The following CPLANE1 variants were observed in gnomAD, a reference collection of about 807,000 sequenced individuals.
CPLANE1 encodes ciliogenesis and planar polarity effector complex subunit 1, also known as ciliogenesis and planar polarity effector 1.
CPLANE1 carries 263 observed loss-of-function variants against 362.5 expected under a neutral mutation model. The observed-to-expected ratio is 0.73, with a 90% CI of 0.66 to 0.80. CPLANE1 has a LOEUF of 0.80. Among genes scored for constraint, CPLANE1 ranks in the 30% least tolerant of loss-of-function variants. CPLANE1 has a pLI of 0.00. For synonymous variants in CPLANE1, 1,212 were observed against 1,302.6 expected (o/e 0.93, Z 1.50); for missense variants, 3,461 against 3,793.4 (o/e 0.91, Z 2.30).
In CPLANE1 at chr5:37,153,934, CT is replaced by C; in HGVS notation, c.8178del (p.Asp2727IlefsTer25). The C allele has an allele frequency of 6.2e-7, 1 of 1,614,098 alleles. No homozygotes were observed. Among genetic ancestry groups the C allele is most frequent in the South Asian group, 1.1e-5 (1 of 91,082 alleles). On this transcript the variant is annotated frameshift_variant, in exon 42 of 53. Coordinates refer to ENST00000651892, the MANE Select transcript of CPLANE1 (RefSeq NM_001384732.1). LOFTEE classifies it high-confidence loss of function. Reference sequence around the variant, plus strand: ...TGCAGCCGTTTCCACAATAGATAATCTTCTGCAGAGTCTGACTTTGTGCTCT... The same window carrying C: ...TGCAGCCGTTTCCACAATAGATAATCTCTGCAGAGTCTGACTTTGTGCTCT... ...KGQSTKSDSA[E>X]DYLLWKRLQG...
downstream of CPLANE1, among the ~76,000 whole-genome samples, chr5:37,104,744 T>TAA (rs544136236): frequency 7.0e-6 from 1 of 142,514 alleles, no homozygotes; most frequent in South Asian, 2.2e-4. Flanking sequence ...CATCTCTACT[T>TAA]AAAAAAAAAA....
At chr5:37,082,089 G>A in the CPLANE1 span, among the ~76,000 whole-genome samples, 35 of 143,570 alleles carry the variant, frequency 2.4e-4, no homozygotes, top group South Asian at 6.4e-4. Context: ...GTGAAACTCC[G>A]TATCAAAAAA....
intron 2 of CPLANE1, among the ~76,000 whole-genome samples, chr5:37,246,946 C>T (rs1246502677): frequency 1.3e-5 from 2 of 152,114 alleles, no homozygotes; most frequent in Non-Finnish European, 2.9e-5. Context: ...TCCAACCCTA[C>T]AGCAGACCTA....
rs35522666 is a variant in CPLANE1 at position 37,154,459 on chromosome 5, C to CTTTTTTTTTTTTT, written c.8120-479_8120-467dup. Among the ~76,000 whole-genome samples the CTTTTTTTTTTTTT allele has an allele frequency of 1.3e-3, 110 of 84,568 alleles. 13 individuals are homozygous for CTTTTTTTTTTTTT. The highest frequency in any genetic ancestry group is 3.7e-3 in the African/African-American group (66 of 17,642). The allele number at this position is 84,568 out of a possible 152,430, so 55.5% of individuals were successfully genotyped here. On this transcript the variant is annotated intron_variant, in intron 41 of 52. Transcript: ENST00000651892. The stretch of plus-strand genomic sequence containing the variant: ...TTCTTCTCCCAAATTTGCAATAGTT[C>CTTTTTTTTTTTTT]TTTTTTTTTTTTTTTTTTTTTTTTA...
rs541727541 is a variant in CPLANE1 at position 37,146,403 on chromosome 5, T to C, written c.8461+1778A>G. Among the ~76,000 whole-genome samples, 13 of 152,260 alleles carry C rather than the reference T, an allele frequency of 8.5e-5. No homozygotes were observed. In the East Asian group the frequency reaches 2.1e-3, roughly 25 times the overall value. On this transcript the variant is annotated intron_variant, in intron 43 of 52. Coordinates refer to ENST00000651892, the MANE Select transcript of CPLANE1 (RefSeq NM_001384732.1). Reference sequence around the variant, plus strand: ...CATATTGGCCAGGCTGGTTTCGAACTCCTGATCTTGTGATCCACCTGCCTC... The same window carrying C: ...CATATTGGCCAGGCTGGTTTCGAACCCCTGATCTTGTGATCCACCTGCCTC...
the CPLANE1 span, among the ~76,000 whole-genome samples, chr5:37,090,838 C>T: frequency 6.6e-6 from 1 of 152,186 alleles, no homozygotes; most frequent in African/African-American, 2.4e-5. Context: ...CTCAAAACAG[C>T]CTTAATTAAG....
Position 37,187,460 on chromosome 5 carries a change from T to C in CPLANE1, c.4034A>G (p.Gln1345Arg), listed in dbSNP as rs869312898. ...TCCAATAAGGCTCAAAATTATATCC[T>C]GAATAAGTTCTTCCATATTAAAAAA... Reference protein sequence around the residue: ...SRFFNMEELIQDIILSLIGEL... With the variant: ...SRFFNMEELIRDIILSLIGEL... Residue 1345 changes from glutamine to arginine, a missense_variant, in exon 23 of 53, where the codon CAG becomes CGG. Gln to Arg is a conservative substitution (Grantham distance 43). This residue lies in a region of CPLANE1 where 3,380 missense variants were observed against 3,666.1 expected (regional missense o/e 0.92). Transcript: ENST00000651892. 1.2e-6 allele frequency: 2 copies of C among 1,613,686 alleles called. No homozygotes were observed. The highest frequency in any genetic ancestry group is 2.2e-5 in the East Asian group (1 of 44,864).
intron 15 of CPLANE1, among the ~76,000 whole-genome samples, chr5:37,218,479 T>C (rs1794652040): frequency 6.6e-6 from 1 of 152,184 alleles, no homozygotes; most frequent in Admixed American, 6.5e-5. Context: ...CATGCACCTT[T>C]TCCCTTTGCT....
At chr5:37,167,360 G>A in intron 34 of CPLANE1, 147 bp from the exon 35 acceptor site, 1 of 653,448 alleles carries the variant, frequency 1.5e-6, no homozygotes, top group Non-Finnish European at 2.5e-6. Flanking sequence ...GATTTAAACT[G>A]GCAATATGAG....
At chr5:37,096,570 C>A in the CPLANE1 span, among the ~76,000 whole-genome samples, 1 of 152,098 alleles carries the variant, frequency 6.6e-6, no homozygotes, top group Non-Finnish European at 1.5e-5. Flanking sequence ...CTTAATTAAA[C>A]TGAAGAGCTT....
the CPLANE1 span, among the ~76,000 whole-genome samples, chr5:37,097,182 C>T: frequency 2.6e-5 from 4 of 151,894 alleles, no homozygotes; most frequent in Non-Finnish European, 5.9e-5. Flanking sequence ...GACCCCATCT[C>T]GTTTTTTTAA....
the CPLANE1 span, among the ~76,000 whole-genome samples, chr5:37,080,602 T>C: frequency 3.3e-5 from 5 of 152,236 alleles, no homozygotes; most frequent in Admixed American, 1.3e-4. Context: ...CAAGGGCTTA[T>C]GTACAGTGCA....
chr5:37,221,403 A>T lies in CPLANE1; in HGVS notation c.2667T>A (p.Ala889=). ...CHLYSYNLND[A]QGLCDQLARE... is the part of the protein sequence containing the mutation. ...TTGCTAGCTGATCACACAATCCTTG[A>T]GCATCATTTAAATTATAGCTATAGA... The change falls in exon 15 of 53, where the codon GCT becomes GCA. Residue 889 remains alanine (A), a synonymous_variant. Transcript: ENST00000651892. 1 of 1,540,162 alleles carries T rather than the reference A, an allele frequency of 6.5e-7. No individual in the cohort carries two copies. Among genetic ancestry groups the T allele is most frequent in the East Asian group, 2.5e-5 (1 of 40,144 alleles).
At chr5:37,108,492 AG>A in intron 51 of CPLANE1, 21 bp from the exon 52 acceptor site, 4 of 1,595,890 alleles carry the variant, frequency 2.5e-6, no homozygotes, top group Non-Finnish European at 3.4e-6. Context: ...ATAAGAACAA[AG>A]CACACATTGG....
chr5:37,242,942 A>G, intron 6 of CPLANE1, 71 bp downstream of exon 6: 2 of 998,432 alleles, frequency 2.0e-6, no homozygotes, highest in Non-Finnish European at 3.0e-6. Context: ...AGTCTGGGTG[A>G]CACAGCAAGA....
intron 20 of CPLANE1, among the ~76,000 whole-genome samples, chr5:37,197,988 G>C (rs1788025026): frequency 6.6e-6 from 1 of 151,948 alleles, no homozygotes; most frequent in African/African-American, 2.4e-5. Flanking sequence ...TCTCTCCAAA[G>C]GTTCCTACTA....
chr5:37,176,186 G>C, intron 30 of CPLANE1, 200 bp from the exon 31 acceptor site: 1 of 452,928 alleles, frequency 2.2e-6, no homozygotes, highest in Non-Finnish European at 3.9e-6. Flanking sequence ...AAATATGTCT[G>C]GATGACTTAA....
intron 15 of CPLANE1, among the ~76,000 whole-genome samples, chr5:37,217,207 A>G (rs1369570343): frequency 6.6e-6 from 1 of 152,244 alleles, no homozygotes; most frequent in Non-Finnish European, 1.5e-5. Flanking sequence ...TTCAAACCTT[A>G]TGCAAAACTC....
At chr5:37,205,759 G>A (rs1480075819) in intron 17 of CPLANE1, among the ~76,000 whole-genome samples, 1 of 152,116 alleles carries the variant, frequency 6.6e-6, no homozygotes. Flanking sequence ...TGTTGCCCAG[G>A]CTGACGTGTA....
Sources: allele counts gnomAD v4.1 joint callset (sites outside exome capture counted in the v4.1 genomes callset), GRCh38; gene constraint gnomAD v4.1.1; regional missense constraint gnomAD v4.1.1; transcripts MANE v1.5; gene names NCBI Gene and HGNC (gene_info 2026-07-23, HGNC 2026-07-21).